FBXO31: variants seen among roughly 807,000 people sequenced by gnomAD.
The protein encoded by FBXO31 is F-box protein 31, also known as F-box only protein 31.
FBXO31 carries 24 observed loss-of-function variants against 54.4 expected under a neutral mutation model. That is an observed-to-expected ratio of 0.44 (90% confidence interval 0.32 to 0.62). The LOEUF (loss-of-function observed/expected upper bound fraction) is 0.62, where lower values mean the gene tolerates loss of function less well. Ranked by LOEUF, FBXO31 falls within the 20% of genes least tolerant of loss-of-function variation. The probability of loss-of-function intolerance (pLI) is 0.05; values close to 1 mark genes in which losing one functional copy is unlikely to be tolerated. For synonymous variants in FBXO31, 388 were observed against 335.6 expected (o/e 1.16, Z -1.71); for missense variants, 665 against 787.1 (o/e 0.84, Z 1.86).
chr16:87,391,604 G>A (rs903525152), upstream of FBXO31: 1 of 152,420 alleles, frequency 6.6e-6, no homozygotes, highest in African/African-American at 2.4e-5. Context: ...ACAGCCACCA[G>A]GAGAGTTCCA....
chr16:87,336,190 G>A lies in FBXO31; in HGVS notation c.807C>T (p.Leu269=). 6.2e-7 allele frequency: 1 copy of A among 1,613,854 alleles called. No individual in the cohort carries two copies. Among genetic ancestry groups the A allele is most frequent in the Non-Finnish European group, 8.5e-7 (1 of 1,179,938 alleles). Residue 269 remains leucine (L), a synonymous_variant, in exon 6 of 9, where the codon CTC becomes CTT. Coordinates refer to ENST00000311635, the MANE Select transcript of FBXO31 (RefSeq NM_024735.5). The surrounding 1 kb of genome is among the most constrained non-coding windows in gnomAD (Gnocchi z 6.5). ...TGGTGTAGATGAACTTCATCAGGAT[G>A]AGCTCCTGCATGTGCTCGTGGAAGA... ...EDIFHEHMQE[L]ILMKFIYTSQ... is the part of the protein sequence containing the mutation.
intron 2 of FBXO31, among the ~76,000 whole-genome samples, chr16:87,347,940 C>T (rs1279492121): frequency 6.6e-6 from 1 of 152,230 alleles, no homozygotes; most frequent in African/African-American, 2.4e-5. Flanking sequence ...ATGACAATGT[C>T]ACACTCGCTG....
chr16:87,348,647 G>A (rs1028628661), intron 2 of FBXO31, among the ~76,000 whole-genome samples: 1 of 152,172 alleles, frequency 6.6e-6, no homozygotes, highest in Non-Finnish European at 1.5e-5. Flanking sequence ...GGCCCAGGCT[G>A]TTACAGCCTC....
At chr16:87,378,748 T>G (rs1359467593) in intron 1 of FBXO31, among the ~76,000 whole-genome samples, 1 of 151,792 alleles carries the variant, frequency 6.6e-6, no homozygotes, top group African/African-American at 2.4e-5. Flanking sequence ...GATCATGAGG[T>G]CAGGAGATCG....
chr16:87,338,631 A>G lies in FBXO31; in HGVS notation c.733-2367T>C, dbSNP rs537130234. Among the ~76,000 whole-genome samples the G allele has an allele frequency of 1.4e-4, 22 of 152,290 alleles. No homozygotes were observed. Among genetic ancestry groups the G allele is most frequent in the African/African-American group, 5.1e-4 (21 of 41,562 alleles). ...ACAACCCTGGGAACATCATCAGATC[A>G]TGCCAGTGACGCAGCCTGGGTACAA... On this transcript the variant is annotated intron_variant, in intron 5 of 8. Coordinates refer to ENST00000311635, the MANE Select transcript of FBXO31 (RefSeq NM_024735.5). The surrounding 1 kb of genome is among the most constrained non-coding windows in gnomAD (Gnocchi z 4.3).
Position 87,383,678 on chromosome 16 carries a change from G to T in FBXO31, c.67C>A (p.Arg23=). The part of the protein sequence containing the change: ...SRGCRRRQQR[R]GPAETAAADS... ...GCCGCCGCCGTCTCGGCCGGGCCCCGGCGCTGCTGGCGGCGCCGACATCCG... is the reference window on the plus strand; with the variant it reads ...GCCGCCGCCGTCTCGGCCGGGCCCCTGCGCTGCTGGCGGCGCCGACATCCG... The change falls in exon 1 of 9, where the codon CGG becomes AGG. Residue 23 remains arginine (R), a synonymous_variant. Transcript: ENST00000311635. The surrounding 1 kb of genome is among the most constrained non-coding windows in gnomAD (Gnocchi z 4.9). 7.0e-6 allele frequency: 9 copies of T among 1,283,314 alleles called. No homozygotes were observed. Among genetic ancestry groups the T allele is most frequent in the Non-Finnish European group, 8.8e-6 (9 of 1,021,946 alleles). The allele number at this position is 1,283,314 out of a possible 1,614,324, so 79.5% of individuals were successfully genotyped here.
rs753244126 is a variant in FBXO31, at chr16:87,383,565, C to T, written c.180G>A (p.Pro60=). The stretch of plus-strand genomic sequence containing the variant: ...CCAGCAGCGAGCAGCGCGGGGGCGG[C>T]GGCGAGGGGCCCGCGCACAAGCCGC... ...VGGGLCAGPS[P]PPPRCSLLEL... Residue 60 remains proline (P), a synonymous_variant, in exon 1 of 9, where the codon CCG becomes CCA. Coordinates refer to ENST00000311635, the MANE Select transcript of FBXO31 (RefSeq NM_024735.5). This position sits in a 1 kb window ranked among gnomAD's most constrained non-coding sequence, Gnocchi z 4.9. 14 of 1,524,524 alleles carry T rather than the reference C, an allele frequency of 9.2e-6. No individual in the cohort carries two copies. In the African/African-American group the frequency reaches 1.0e-4, roughly 11 times the overall value. 94.4% of individuals were successfully genotyped at this position (1,524,524 alleles called of 1,614,324 possible).
chr16:87,344,652 T>A (rs990116434), intron 3 of FBXO31, among the ~76,000 whole-genome samples: 1 of 151,910 alleles, frequency 6.6e-6, no homozygotes, highest in African/African-American at 2.4e-5. Flanking sequence ...TTTTTTTTTT[T>A]ACTCTATTAC....
At position 87,346,824 on chromosome 16, in the gene FBXO31, G is replaced by A. The variant is rs957241646; in HGVS notation, c.489+350C>T. Among the ~76,000 whole-genome samples, 3 of 152,172 alleles carry A rather than the reference G, an allele frequency of 2.0e-5. No individual in the cohort carries two copies. The highest frequency in any genetic ancestry group is 4.8e-5 in the African/African-American group (2 of 41,440). ...GAGTGCACCATGGCTGGAACATGGG[G>A]GGCAAAGACCAGGAACGGAAGGACC... On this transcript the variant is annotated intron_variant, in intron 3 of 8. Transcript: ENST00000311635. The surrounding 1 kb of genome is among the most constrained non-coding windows in gnomAD (Gnocchi z 4.2).
At chr16:87,386,900 G>C (rs1282648291), upstream of FBXO31, among the ~76,000 whole-genome samples, 3 of 152,148 alleles carry the variant, frequency 2.0e-5, no homozygotes, top group Non-Finnish European at 4.4e-5. Flanking sequence ...GAATAACCAA[G>C]GATGAAAAGC....
Position 87,358,478 on chromosome 16 carries a change from C to T in FBXO31, c.412+1817G>A, listed in dbSNP as rs570800112. On this transcript the variant is annotated intron_variant, in intron 2 of 8. Coordinates refer to ENST00000311635, the MANE Select transcript of FBXO31 (RefSeq NM_024735.5). This position sits in a 1 kb window ranked among gnomAD's most constrained non-coding sequence, Gnocchi z 4.0. ...GGAGAATTTTCACAAAACGTCCCGACTTCACGCGAGGGTTTATACCTGAAC... is the reference window on the plus strand; with the variant it reads ...GGAGAATTTTCACAAAACGTCCCGATTTCACGCGAGGGTTTATACCTGAAC... The T allele has an allele frequency of 6.5e-6, 1 of 152,804 alleles. No homozygotes were observed. Among genetic ancestry groups the T allele is most frequent in the South Asian group, 2.1e-4 (1 of 4,832 alleles). The allele number at this position is 152,804 out of a possible 1,614,324, so 9.5% of individuals were successfully genotyped here.
chr16:87,383,826 G>T (rs992613738), upstream of FBXO31: 16 of 1,002,314 alleles, frequency 1.6e-5, no homozygotes, highest in Non-Finnish European at 2.0e-5. The surrounding 1 kb of genome is among the most constrained non-coding windows in gnomAD (Gnocchi z 4.9). Context: ...CCACGCCCCC[G>T]CCGCAGAGCT....
intron 1 of FBXO31, among the ~76,000 whole-genome samples, chr16:87,389,172 A>C (rs1444707667): frequency 1.3e-5 from 2 of 151,848 alleles, no homozygotes; most frequent in African/African-American, 2.4e-5. Flanking sequence ...GATATATATT[A>C]TTTAACTAAA....
intron 1 of FBXO31, among the ~76,000 whole-genome samples, chr16:87,361,981 T>C (rs899581821): frequency 2.0e-5 from 3 of 152,210 alleles, no homozygotes; most frequent in Non-Finnish European, 2.9e-5. Flanking sequence ...CTAAATCCAG[T>C]AGGCTCCAGT....
At chr16:87,352,938 G>A (rs1023185205) in intron 2 of FBXO31, among the ~76,000 whole-genome samples, 3 of 152,216 alleles carry the variant, frequency 2.0e-5, no homozygotes, top group African/African-American at 4.8e-5. Context: ...CTGAACCTTG[G>A]CCCACGTGCC....
At chr16:87,365,025 A>T (rs1251169978) in intron 1 of FBXO31, among the ~76,000 whole-genome samples, 1 of 103,830 alleles carries the variant, frequency 9.6e-6, no homozygotes, top group South Asian at 3.5e-4. Context: ...ATATATATAT[A>T]TATATATATA....
intron 1 of FBXO31, among the ~76,000 whole-genome samples, chr16:87,372,246 T>A (rs2150693626): frequency 6.6e-6 from 1 of 152,264 alleles, no homozygotes; most frequent in Non-Finnish European, 1.5e-5. Flanking sequence ...TAAGCACCAT[T>A]TTCCTTTATT....
At chr16:87,388,157 C>T (rs984620978), upstream of FBXO31, among the ~76,000 whole-genome samples, 2 of 152,194 alleles carry the variant, frequency 1.3e-5, no homozygotes, top group East Asian at 1.9e-4. Context: ...AGCTGCGGGT[C>T]GCGTGACTGA....
chr16:87,339,593 C>T (rs1905130378), intron 5 of FBXO31, among the ~76,000 whole-genome samples: 1 of 152,220 alleles, frequency 6.6e-6, no homozygotes, highest in South Asian at 2.1e-4. Context: ...CAGTGGCACC[C>T]TCACCCTGTC....
Sources: allele counts gnomAD v4.1 joint callset (sites outside exome capture counted in the v4.1 genomes callset), GRCh38; gene constraint gnomAD v4.1.1; non-coding constraint Gnocchi (gnomAD v3.1); transcripts MANE v1.5; gene names NCBI Gene and HGNC (gene_info 2026-07-23, HGNC 2026-07-21).